The following EPS8 variants were observed in gnomAD, a reference collection of about 807,000 sequenced individuals.
EPS8 encodes EGFR pathway substrate 8, signaling adaptor.
Under a neutral mutation model 103.8 loss-of-function variants are expected in EPS8, and 42 were observed. That is an observed-to-expected ratio of 0.40 (90% CI 0.32 to 0.52). The LOEUF is 0.52. Among genes scored for constraint, EPS8 ranks in the 20% least tolerant of loss-of-function variants. The pLI, the probability that EPS8 is intolerant of heterozygous loss-of-function variation, is 0.40. For missense variants in EPS8, 969 were observed against 1,005.1 expected (o/e 0.96, Z 0.49); for synonymous variants, 344 against 344.6 (o/e 1.00, Z 0.02).
At chr12:15,670,810 T>C in intron 4 of EPS8, 46 bp downstream of exon 4, 1 of 1,273,506 alleles carries the variant, frequency 7.9e-7, no homozygotes, top group Non-Finnish European at 1.1e-6. Context: ...ATTTTTATGT[T>C]CCTCAAGGGT....
intron 3 of EPS8, among the ~76,000 whole-genome samples, chr12:15,673,854 T>C (rs1945858476): frequency 6.6e-6 from 1 of 152,200 alleles, no homozygotes. Context: ...CCTCTCTTTC[T>C]CGCTCAGAAT....
At chr12:15,754,520 G>T (rs1192448727) in intron 1 of EPS8, among the ~76,000 whole-genome samples, 1 of 152,196 alleles carries the variant, frequency 6.6e-6, no homozygotes, top group Non-Finnish European at 1.5e-5. Flanking sequence ...TTGAAAGCAA[G>T]TGAGGAATAA....
rs1946721516 is a variant in EPS8 at position 15,731,983 on chromosome 12, G to C, written c.-21-49011C>G. Reference sequence around the variant, plus strand: ...AAAAAGGAAACAAACTGAAAAGGTAGATTTTTTTCTTTCAAACTGGCTACT... The same window carrying C: ...AAAAAGGAAACAAACTGAAAAGGTACATTTTTTTCTTTCAAACTGGCTACT... On this transcript the variant is annotated intron_variant, in intron 1 of 20. Transcript: ENST00000281172. This position sits in a 1 kb window ranked among gnomAD's most constrained non-coding sequence, Gnocchi z 5.1. 6.6e-6 allele frequency among the ~76,000 whole-genome samples: 1 copy of C among 152,232 alleles called. No individual in the cohort carries two copies. Among genetic ancestry groups the C allele is most frequent in the Non-Finnish European group, 1.5e-5 (1 of 68,016 alleles).
chr12:15,725,298 C>G lies in EPS8; in HGVS notation c.-21-42326G>C, dbSNP rs1946640327. On this transcript the variant is annotated intron_variant, in intron 1 of 20. Transcript: ENST00000281172. This position sits in a 1 kb window ranked among gnomAD's most constrained non-coding sequence, Gnocchi z 4.5. ...TAACTGTGTATCACCTGAAATCACC[C>G]TCAAGAGATCTCCGGAAAAGTCATG... Among the ~76,000 whole-genome samples, 1 of 151,918 alleles carries G rather than the reference C, an allele frequency of 6.6e-6. No individual in the cohort carries two copies. The highest frequency in any genetic ancestry group is 2.4e-5 in the African/African-American group (1 of 41,330).
At chr12:15,692,246 A>G (rs992601609) in intron 1 of EPS8, among the ~76,000 whole-genome samples, 3 of 152,060 alleles carry the variant, frequency 2.0e-5, no homozygotes, top group African/African-American at 7.2e-5. Context: ...TATGATGAAA[A>G]ATGTGTTTAT....
At chr12:15,755,722 C>T (rs1946979849) in intron 1 of EPS8, among the ~76,000 whole-genome samples, 1 of 152,140 alleles carries the variant, frequency 6.6e-6, no homozygotes, top group Non-Finnish European at 1.5e-5. Context: ...AAAAATTTAG[C>T]TTTCTCTCCA....
chr12:15,677,340 C>A (rs368224120), intron 3 of EPS8, among the ~76,000 whole-genome samples: 1 of 152,320 alleles, frequency 6.6e-6, no homozygotes, highest in African/African-American at 2.4e-5. Context: ...GATCCTCTGG[C>A]CTCCAAAACC....
chr12:15,650,725 T>G, intron 14 of EPS8, 98 bp downstream of exon 14: 1 of 1,017,410 alleles, frequency 9.8e-7, no homozygotes, highest in East Asian at 2.4e-5. Context: ...TCTAGAACAA[T>G]TTTCAGTTGA....
At chr12:15,739,650 T>C (rs943834446) in intron 1 of EPS8, among the ~76,000 whole-genome samples, 5 of 152,174 alleles carry the variant, frequency 3.3e-5, no homozygotes, top group African/African-American at 7.2e-5. Context: ...TCTTGGGCCC[T>C]CAGCTTCCCT....
At chr12:15,692,322 T>G (rs1367933250) in intron 1 of EPS8, among the ~76,000 whole-genome samples, 1 of 15,080 alleles carries the variant, frequency 6.6e-5, no homozygotes, top group Non-Finnish European at 3.8e-4. Flanking sequence ...AGGTTTGGTT[T>G]TTTTTTTTTT....
At chr12:15,758,922 T>C (rs1245563040) in intron 1 of EPS8, among the ~76,000 whole-genome samples, 1 of 152,158 alleles carries the variant, frequency 6.6e-6, no homozygotes, top group Non-Finnish European at 1.5e-5. Context: ...CACATTCAAA[T>C]ACTGTAAAAT....
At chr12:15,672,520 C>T (rs1399376430) in intron 3 of EPS8, 1 of 397,602 alleles carries the variant, frequency 2.5e-6, no homozygotes, top group African/African-American at 2.1e-5. Context: ...AAAATAATGT[C>T]ATCAAAAAGA....
chr12:15,771,285 G>A lies in EPS8; in HGVS notation c.-22+17876C>T, dbSNP rs931783183. Among the ~76,000 whole-genome samples the A allele has an allele frequency of 7.9e-5, 12 of 152,172 alleles. No individual in the cohort carries two copies. The highest frequency in any genetic ancestry group is 1.6e-4 in the Non-Finnish European group (11 of 68,024). ...TGTATAGTACCTCACTTTGGCTAAT[G>A]AGTAATTTATAGGAAAGCGGGTAGT... On this transcript the variant is annotated intron_variant, in intron 1 of 20. Coordinates refer to ENST00000281172, the MANE Select transcript of EPS8 (RefSeq NM_004447.6). The surrounding 1 kb of genome is among the most constrained non-coding windows in gnomAD (Gnocchi z 4.6).
chr12:15,664,040 T>C (rs1056504879), intron 8 of EPS8, among the ~76,000 whole-genome samples: 11 of 146,688 alleles, frequency 7.5e-5, no homozygotes, highest in African/African-American at 2.7e-4. Context: ...ATATATTAGG[T>C]TCAACATATA....
intron 1 of EPS8, among the ~76,000 whole-genome samples, chr12:15,726,384 A>G (rs1205309394): frequency 6.6e-6 from 1 of 152,186 alleles, no homozygotes; most frequent in East Asian, 1.9e-4. Flanking sequence ...AAGGAAGAAA[A>G]TCTTAAAAAC....
chr12:15,744,257 T>C (rs567346353), intron 1 of EPS8, among the ~76,000 whole-genome samples: 5 of 152,332 alleles, frequency 3.3e-5, no homozygotes, highest in East Asian at 3.9e-4. Flanking sequence ...TCAACAAGCA[T>C]GGAAATAGCA....
At chr12:15,707,040 T>C (rs1232168725) in intron 1 of EPS8, among the ~76,000 whole-genome samples, 5 of 152,204 alleles carry the variant, frequency 3.3e-5, no homozygotes, top group African/African-American at 9.7e-5. Flanking sequence ...AAAACCCCTA[T>C]AGCAAAAGAG....
chr12:15,766,079 G>T (rs1042993336), intron 1 of EPS8, among the ~76,000 whole-genome samples: 1 of 151,574 alleles, frequency 6.6e-6, no homozygotes, highest in African/African-American at 2.4e-5. Flanking sequence ...CTCCCAAAGT[G>T]CTGGGATTAT....
Position 15,713,054 on chromosome 12 carries a change from CTTG to C in EPS8, c.-21-30085_-21-30083del, listed in dbSNP as rs1369535981. 8.6e-6 allele frequency: 8 copies of C among 928,446 alleles called. No individual in the cohort carries two copies. The Admixed American group carries it at 1.8e-4, about 21-fold the overall frequency. The allele number at this position is 928,446 out of a possible 1,614,324, so 57.5% of individuals were successfully genotyped here. A position where few individuals can be genotyped will look rare whatever the true frequency, so the allele number is the denominator to read the frequency against. ...AGGGCGTTAACTAAGATTTCCTCCT[CTTG>C]TTAAGTAAGTAAACACAGCTACCAC... On this transcript the variant is annotated intron_variant, in intron 1 of 20. Transcript: ENST00000281172. The surrounding 1 kb of genome is among the most constrained non-coding windows in gnomAD (Gnocchi z 4.8).
Sources: gnomAD v4.1 joint callset for allele counts (sites outside exome capture counted in the v4.1 genomes callset) on GRCh38, gnomAD v4.1.1 for gene constraint, Gnocchi (gnomAD v3.1) non-coding constraint, MANE v1.5 for transcripts, NCBI Gene and HGNC (gene_info 2026-07-23, HGNC 2026-07-21) for gene names.